Variants in PARP2 observed in about 807,000 individuals in gnomAD.
The protein encoded by PARP2 is poly(ADP-ribose) polymerase 2.
In PARP2, 57 loss-of-function variants were observed where a neutral mutation model predicts 77.8. The observed-to-expected ratio is 0.73, with a 90% CI of 0.59 to 0.91. PARP2 has a LOEUF of 0.91. Among genes scored for constraint, PARP2 ranks in the 40% least tolerant of loss-of-function variants. PARP2 has a pLI of 0.00. For missense variants in PARP2, 651 were observed against 689.0 expected, an observed-to-expected ratio of 0.94 and a Z score of 0.62; for synonymous variants, 226 against 242.6, an observed-to-expected ratio of 0.93 and a Z score of 0.64.
intron 4 of PARP2, among the ~76,000 whole-genome samples, chr14:20,348,746 G>A (rs574041888): frequency 6.6e-6 from 1 of 152,306 alleles, no homozygotes; most frequent in South Asian, 2.1e-4. Flanking sequence ...TTAGCCAGGT[G>A]CAGTGGCTCA....
At chr14:20,352,549 A>ATTTTTTTTATTTTT in intron 7 of PARP2, 1 of 214,086 alleles carries the variant, frequency 4.7e-6, no homozygotes, top group Non-Finnish European at 7.6e-6. Context: ...TGCCCAGCTG[A>ATTTTTTTTATTTTT]TTTTTTTTCT....
chr14:20,349,146 T>G (rs550336170), intron 4 of PARP2, among the ~76,000 whole-genome samples: 1 of 152,120 alleles, frequency 6.6e-6, no homozygotes, highest in Non-Finnish European at 1.5e-5. Flanking sequence ...AAGATCAGCC[T>G]GGGCAACATG....
intron 7 of PARP2, chr14:20,352,920 A>G (rs1490905662): frequency 6.7e-6 from 1 of 148,568 alleles, no homozygotes; most frequent in East Asian, 2.0e-4. Context: ...CTTGTTGCCC[A>G]GGTTGGAGTG....
intron 13 of PARP2, 152 bp downstream of exon 13, chr14:20,356,841 TTTC>T (rs1884172178): frequency 2.8e-6 from 2 of 705,486 alleles, no homozygotes; most frequent in Admixed American, 2.5e-5. Flanking sequence ...TGTGTCCCTC[TTTC>T]TTTAAATTCC....
chr14:20,357,530 C>G lies in PARP2; in HGVS notation c.1553+10C>G, dbSNP rs755471883. 4 of 1,606,714 alleles carry G rather than the reference C, an allele frequency of 2.5e-6. No individual in the cohort carries two copies. Among genetic ancestry groups the G allele is most frequent in the Non-Finnish European group, 3.4e-6 (4 of 1,177,314 alleles). ...CCCACTTCGTCACCCTGTAAGTACT[C>G]AGAACCAGGAGGACTAGAAGACTCC... is the stretch of plus-strand genomic sequence containing the variant. On this transcript the variant is annotated intron_variant, in intron 15 of 15. Coordinates refer to ENST00000429687, the MANE Select transcript of PARP2 (RefSeq NM_001042618.2).
rs372336508 is a variant in PARP2, at chr14:20,352,337, C to A, written c.590C>A (p.Thr197Asn). 23 of 1,575,892 alleles carry A rather than the reference C, an allele frequency of 1.5e-5. No homozygotes were observed. In the African/African-American group the frequency reaches 2.3e-4, roughly 16 times the overall value. ...KYDMLQMDYATNTQDEEETKK... is the reference protein window; with the variant it reads ...KYDMLQMDYANNTQDEEETKK... ...GATATGCTACAGATGGACTATGCCACCAATACTCAGGTAACTCTCACTATA... is the reference window on the plus strand; with the variant it reads ...GATATGCTACAGATGGACTATGCCAACAATACTCAGGTAACTCTCACTATA... The change falls in exon 7 of 16, where the codon ACC becomes AAC. Residue 197 changes from threonine to asparagine, a missense_variant. Physicochemically the swap from Thr to Asn is moderately conservative, Grantham distance 65 (BLOSUM62 0). Coordinates refer to ENST00000429687, the MANE Select transcript of PARP2 (RefSeq NM_001042618.2).
chr14:20,356,630 G>A lies in PARP2; in HGVS notation c.1270G>A (p.Gly424Arg), dbSNP rs753497216. 5 of 1,614,094 alleles carry A rather than the reference G, an allele frequency of 3.1e-6. No individual in the cohort carries two copies. In the South Asian group the frequency reaches 5.5e-5, roughly 18 times the overall value. The change falls in exon 13 of 16, where the codon GGA becomes AGA. Residue 424 changes from glycine (G) to arginine (R), a missense_variant. Coordinates refer to ENST00000429687, the MANE Select transcript of PARP2 (RefSeq NM_001042618.2). Reference sequence around the variant, plus strand: ...TGGTTCCAGGATGAGTAACTGGGTGGGAATCTTGAGCCATGGGCTTCGAAT... The same window carrying A: ...TGGTTCCAGGATGAGTAACTGGGTGAGAATCTTGAGCCATGGGCTTCGAAT... ...WHGSRMSNWVGILSHGLRIAP... is the reference protein window; with the variant it reads ...WHGSRMSNWVRILSHGLRIAP...
chr14:20,344,859 A>G, intron 1 of PARP2, 73 bp from the exon 2 acceptor site: 1 of 994,746 alleles, frequency 1.0e-6, no homozygotes, highest in Non-Finnish European at 1.5e-6. Context: ...TCTTTAAAAG[A>G]TTTTTTTCAA....
chr14:20,355,690 T>C, intron 9 of PARP2, 62 bp from the exon 10 acceptor site: 2 of 1,302,356 alleles, frequency 1.5e-6, no homozygotes, highest in South Asian at 2.4e-5. Context: ...TTTCTATTTT[T>C]AGTCATGCGC....
intron 1 of PARP2, among the ~76,000 whole-genome samples, chr14:20,344,047 C>A (rs895111741): frequency 1.3e-5 from 2 of 152,138 alleles, no homozygotes; most frequent in African/African-American, 4.8e-5. Flanking sequence ...TAAGATGCAT[C>A]CCAGTTCCAG....
intron 7 of PARP2, chr14:20,353,115 G>A (rs1262274750): frequency 6.6e-6 from 1 of 151,838 alleles, no homozygotes; most frequent in Non-Finnish European, 1.5e-5. Flanking sequence ...CGTGACCTTG[G>A]GTGATCTACC....
intron 3 of PARP2, among the ~76,000 whole-genome samples, chr14:20,346,221 T>C (rs59183141): frequency 0.018 from 2,696 of 152,198 alleles, 87 homozygotes; most frequent in African/African-American, 0.062. Flanking sequence ...TGTTTTCTTG[T>C]TCTAATGAGA....
intron 13 of PARP2, 144 bp from the exon 14 acceptor site, chr14:20,356,907 C>A: frequency 1.4e-6 from 1 of 700,426 alleles, no homozygotes; most frequent in Non-Finnish European, 2.5e-6. Context: ...GGGCTTCTAC[C>A]CTCTCTAGAA....
In PARP2 at chr14:20,346,854, C is replaced by G. The variant is rs1713430; in HGVS notation, c.274-9C>G. 6.3e-7 allele frequency: 1 copy of G among 1,583,090 alleles called. No individual in the cohort carries two copies. Among genetic ancestry groups the G allele is most frequent in the South Asian group, 1.1e-5 (1 of 90,078 alleles). On this transcript the variant is annotated splice_polypyrimidine_tract_variant and intron_variant, in intron 3 of 15. Coordinates refer to ENST00000429687, the MANE Select transcript of PARP2 (RefSeq NM_001042618.2). ...CTAATGTTGATTTTTTCTCTCTCTC[C>G]CTTTCTAGGCTCATGTGTATTGTGA...
rs892427041 is a variant in PARP2, at chr14:20,352,036, T to G, written c.498-209T>G. 3.3e-5 allele frequency among the ~76,000 whole-genome samples: 5 copies of G among 152,234 alleles called. 1 individual carries two copies. The highest frequency in any genetic ancestry group is 2.6e-4 in the Admixed American group (4 of 15,284). ...GTTTGGGAAGGACAAGCATTGTTTT[T>G]CCCATTTTTTAAATTCCATTTGTCT... is the stretch of plus-strand genomic sequence containing the variant. On this transcript the variant is annotated intron_variant, in intron 6 of 15. Coordinates refer to ENST00000429687, the MANE Select transcript of PARP2 (RefSeq NM_001042618.2).
Position 20,357,165 on chromosome 14 carries a change from G to C in PARP2, c.1428+16G>C, listed in dbSNP as rs1884187541. 1.6e-5 allele frequency: 24 copies of C among 1,499,742 alleles called. No homozygotes were observed. The highest frequency in any genetic ancestry group is 4.4e-5 in the African/African-American group (3 of 68,032). 92.9% of individuals were successfully genotyped at this position (1,499,742 alleles called of 1,614,324 possible). ...CTTATCAGAGGTGAGACAGGAGTAT[G>C]TCTGTGATCTCTAGTTTATTAATTC... is the stretch of plus-strand genomic sequence containing the variant. On this transcript the variant is annotated intron_variant, in intron 14 of 15. Coordinates refer to ENST00000429687, the MANE Select transcript of PARP2 (RefSeq NM_001042618.2).
chr14:20,354,073 T>G lies in PARP2; in HGVS notation c.601-12T>G. 1 of 1,605,872 alleles carries G rather than the reference T, an allele frequency of 6.2e-7. No individual in the cohort carries two copies. The highest frequency in any genetic ancestry group is 8.5e-7 in the Non-Finnish European group (1 of 1,173,548). ...TTAGATTGTCTTGTGTTTTGTTTGT[T>G]TTTTGCTATAGGATGAAGAGGAAAC... On this transcript the variant is annotated splice_polypyrimidine_tract_variant and intron_variant, in intron 7 of 15. Transcript: ENST00000429687.
rs748025129 is a variant in PARP2, at chr14:20,357,739, A to G, written c.1655A>G (p.Asn552Ser). ...NYNEYIVYNPNQVRMRYLLKV... is the reference protein window; with the variant it reads ...NYNEYIVYNPSQVRMRYLLKV... ...AATGAATATATTGTATATAACCCCA[A>G]CCAGGTCCGTATGCGGTACCTTTTA... is the stretch of plus-strand genomic sequence containing the variant. Residue 552 changes from asparagine to serine, a missense_variant, in exon 16 of 16, where the codon AAC (asparagine) becomes AGC (serine). Asn to Ser is a conservative substitution (Grantham distance 46, BLOSUM62 1). Coordinates refer to ENST00000429687, the MANE Select transcript of PARP2 (RefSeq NM_001042618.2). The G allele has an allele frequency of 6.2e-7, 1 of 1,613,856 alleles. No individual in the cohort carries two copies. The highest frequency in any genetic ancestry group is 2.2e-5 in the East Asian group (1 of 44,904).
At chr14:20,348,040 A>C (rs1386916986) in intron 4 of PARP2, among the ~76,000 whole-genome samples, 1 of 151,944 alleles carries the variant, frequency 6.6e-6, no homozygotes, top group African/African-American at 2.4e-5. Context: ...AGCCTGACTA[A>C]TTTTTAAATT....
Sources: allele counts gnomAD v4.1 joint callset (sites outside exome capture counted in the v4.1 genomes callset), GRCh38; gene constraint gnomAD v4.1.1; transcripts MANE v1.5; gene names NCBI Gene and HGNC (gene_info 2026-07-23, HGNC 2026-07-21).